CADM2: variants seen among roughly 807,000 people sequenced by gnomAD.
The protein encoded by CADM2 is immunoglobulin superfamily member 4D.
Under a neutral mutation model 49.8 loss-of-function variants are expected in CADM2, and 12 were observed. The observed-to-expected ratio is 0.24, with a 90% CI of 0.15 to 0.39. The LOEUF is 0.39. Ranked by LOEUF, CADM2 falls within the 10% of genes least tolerant of loss-of-function variation. CADM2 has a pLI of 1.00. For missense variants in CADM2, 378 were observed against 492.3 expected (o/e 0.77, Z 2.20); for synonymous variants, 214 against 175.4 (o/e 1.22, Z -1.74).
At chr3:85,248,989 C>CA (rs1017070775) in intron 1 of CADM2, among the ~76,000 whole-genome samples, 1 of 152,010 alleles carries the variant, frequency 6.6e-6, no homozygotes, top group Non-Finnish European at 1.5e-5. Flanking sequence ...ATAAAATATA[C>CA]AAAAAATGTT....
intron 1 of CADM2, among the ~76,000 whole-genome samples, chr3:85,576,140 C>T (rs967366903): frequency 6.6e-6 from 1 of 152,070 alleles, no homozygotes; most frequent in African/African-American, 2.4e-5. Flanking sequence ...TTTGTTTTAA[C>T]ATAATTTATT....
intron 1 of CADM2, among the ~76,000 whole-genome samples, chr3:85,612,688 A>G (rs573795891): frequency 3.3e-5 from 5 of 151,932 alleles, no homozygotes; most frequent in African/African-American, 1.2e-4. Flanking sequence ...TGGTAATCTG[A>G]AAACAATTTA....
chr3:85,082,902 T>C (rs1287529086), intron 1 of CADM2, among the ~76,000 whole-genome samples: 1 of 152,108 alleles, frequency 6.6e-6, no homozygotes, highest in Non-Finnish European at 1.5e-5. Context: ...GAAATCCAAC[T>C]GAGTGCATAT....
chr3:85,407,159 G>A (rs1321436376), intron 1 of CADM2, among the ~76,000 whole-genome samples: 3 of 152,104 alleles, frequency 2.0e-5, no homozygotes, highest in East Asian at 1.9e-4. Flanking sequence ...CTGTGATCAC[G>A]CCACTGCACT....
chr3:84,973,485 A>G (rs1334171295), intron 1 of CADM2, among the ~76,000 whole-genome samples: 1 of 152,154 alleles, frequency 6.6e-6, no homozygotes, highest in Non-Finnish European at 1.5e-5. Flanking sequence ...GACAGGTGAA[A>G]AAGAAATATT....
chr3:86,023,420 T>A lies in CADM2; in HGVS notation c.971-42185T>A, dbSNP rs568223292. Among the ~76,000 whole-genome samples, 6 of 152,228 alleles carry A rather than the reference T, an allele frequency of 3.9e-5. No homozygotes were observed. The South Asian group carries it at 1.2e-3, about 32-fold the overall frequency. On this transcript the variant is annotated intron_variant, in intron 8 of 9. Transcript: ENST00000383699. ...TTTTTGAGACAGAGTTTTGCTCTTG[T>A]TGCCCATGGCTCACTGCAACCTCCA...
chr3:85,455,394 A>C (rs1576587393), intron 1 of CADM2, among the ~76,000 whole-genome samples: 1 of 152,196 alleles, frequency 6.6e-6, no homozygotes, highest in African/African-American at 2.4e-5. Context: ...TTATATTGTG[A>C]TCAAACAATA....
rs1450933844 is a variant in CADM2 at position 86,013,348 on chromosome 3, T to G, written c.970+51701T>G. On this transcript the variant is annotated intron_variant, in intron 8 of 9. Coordinates refer to ENST00000383699, the MANE Select transcript of CADM2 (RefSeq NM_001167675.2). ...AACAAAGAATACCTAAAATCTCTAT[T>G]TGAATTATTGATTCTGATGGGAAAG... is the stretch of plus-strand genomic sequence containing the variant. 5 of 1,540,592 alleles carry G rather than the reference T, an allele frequency of 3.2e-6. No individual in the cohort carries two copies. In the East Asian group the frequency reaches 6.8e-5, roughly 21 times the overall value.
intron 1 of CADM2, among the ~76,000 whole-genome samples, chr3:85,100,403 TTGC>T (rs1362175425): frequency 6.6e-6 from 1 of 152,220 alleles, no homozygotes; most frequent in Non-Finnish European, 1.5e-5. Flanking sequence ...TCATGTCTTG[TTGC>T]TAAATATTCA....
intron 1 of CADM2, among the ~76,000 whole-genome samples, chr3:85,573,810 A>G (rs560529393): frequency 6.6e-6 from 1 of 152,228 alleles, no homozygotes; most frequent in African/African-American, 2.4e-5. Flanking sequence ...GTGACTACTA[A>G]TGTCTAATCA....
At chr3:86,041,582 C>T (rs953601747) in intron 8 of CADM2, among the ~76,000 whole-genome samples, 13 of 152,250 alleles carry the variant, frequency 8.5e-5, no homozygotes, top group African/African-American at 3.1e-4. Context: ...ATTCATAAAG[C>T]AAGTCCTTAG....
intron 1 of CADM2, among the ~76,000 whole-genome samples, chr3:85,158,861 TAAAA>T (rs1307133539): frequency 6.6e-6 from 1 of 151,568 alleles, no homozygotes; most frequent in Admixed American, 6.6e-5. Flanking sequence ...TAAAATAAAA[TAAAA>T]AAATAAAAAT....
chr3:85,526,539 C>T (rs939442459), intron 1 of CADM2, among the ~76,000 whole-genome samples: 9 of 152,066 alleles, frequency 5.9e-5, no homozygotes, highest in Non-Finnish European at 8.8e-5. Context: ...GTCAGATGAC[C>T]TGGATTAAAA....
chr3:85,710,444 A>G (rs145996104), intron 1 of CADM2, among the ~76,000 whole-genome samples: 160 of 152,290 alleles, frequency 1.1e-3, no homozygotes, highest in South Asian at 4.1e-3. Context: ...TCTATAATTT[A>G]TAGTGCATGT....
intron 1 of CADM2, among the ~76,000 whole-genome samples, chr3:85,549,198 A>G (rs547457742): frequency 6.6e-6 from 1 of 152,328 alleles, no homozygotes; most frequent in East Asian, 1.9e-4. Flanking sequence ...TCTGATACGA[A>G]AATCAAATTA....
intron 1 of CADM2, among the ~76,000 whole-genome samples, chr3:85,003,227 A>G (rs190281901): frequency 6.6e-6 from 1 of 152,148 alleles, no homozygotes; most frequent in African/African-American, 2.4e-5. Context: ...TCCATTCTCA[A>G]ATTTTTAAGC....
chr3:85,256,191 T>C (rs753206539), intron 1 of CADM2, among the ~76,000 whole-genome samples: 8 of 152,022 alleles, frequency 5.3e-5, no homozygotes, highest in African/African-American at 9.7e-5. Flanking sequence ...CAGCTTCCTC[T>C]CTCCCTGTGG....
intron 1 of CADM2, among the ~76,000 whole-genome samples, chr3:85,107,631 T>TTCTTTCTTTTTCTTTC (rs58177574): frequency 2.9e-5 from 4 of 137,842 alleles, no homozygotes; most frequent in African/African-American, 1.0e-4. Flanking sequence ...CTTTCTTTCT[T>TTCTTTCTTTTTCTTTC]TTTCTTTCTT....
In CADM2 at chr3:86,067,901, A is replaced by G. The variant is rs776639900; in HGVS notation, c.*1118A>G. ...TTATTTGTTATACAATGGAAGCACA[A>G]TGTTATAAGGAAAGGTAATTTTAAG... On this transcript the variant is annotated 3_prime_UTR_variant, in exon 10 of 10. Transcript: ENST00000383699. The G allele has an allele frequency of 6.6e-6, 1 of 152,470 alleles. No individual in the cohort carries two copies. Among genetic ancestry groups the G allele is most frequent in the Non-Finnish European group, 1.5e-5 (1 of 67,912 alleles). The allele number at this position is 152,470 out of a possible 1,614,324, so 9.4% of individuals were successfully genotyped here.
Sources: allele counts gnomAD v4.1 joint callset (sites outside exome capture counted in the v4.1 genomes callset), GRCh38; gene constraint gnomAD v4.1.1; transcripts MANE v1.5; gene names NCBI Gene and HGNC (gene_info 2026-07-23, HGNC 2026-07-21).